Variants in MTRR observed in about 807,000 individuals in gnomAD.
The protein encoded by MTRR is 5-methyltetrahydrofolate-homocysteine methyltransferase reductase, also known as methionine synthase reductase.
A neutral mutation model predicts 79.2 loss-of-function variants in MTRR; 63 were observed. The observed-to-expected ratio is 0.80, with a 90% confidence interval of 0.65 to 0.98. MTRR has a LOEUF of 0.98. Ranked by LOEUF, MTRR falls within the 50% of genes least tolerant of loss-of-function variation. The probability of loss-of-function intolerance (pLI) is 0.00; values close to 1 mark genes in which losing one functional copy is unlikely to be tolerated. For synonymous variants in MTRR, 355 were observed against 313.3 expected (o/e 1.13, Z -1.41); for missense variants, 895 against 839.6 (o/e 1.07, Z -0.82).
At chr5:7,871,223 T>G (rs1023581965) in intron 2 of MTRR, among the ~76,000 whole-genome samples, 1 of 152,010 alleles carries the variant, frequency 6.6e-6, no homozygotes, top group African/African-American at 2.4e-5. Flanking sequence ...AAGTGAGATG[T>G]GTGTTTGCCT....
intron 5 of MTRR, among the ~76,000 whole-genome samples, chr5:7,879,442 G>T: frequency 8.0e-6 from 1 of 125,368 alleles, no homozygotes; most frequent in South Asian, 2.6e-4. Flanking sequence ...CAGCCTGAGC[G>T]ACAGAGTAAG....
At chr5:7,860,325 G>GA (rs1746447913) in intron 1 of MTRR, among the ~76,000 whole-genome samples, 1 of 152,160 alleles carries the variant, frequency 6.6e-6, no homozygotes, top group African/African-American at 2.4e-5. Context: ...CCTCACATAA[G>GA]ACCTTCTTAC....
chr5:7,876,802 C>T (rs572004275), intron 4 of MTRR, among the ~76,000 whole-genome samples: 1 of 152,154 alleles, frequency 6.6e-6, no homozygotes, highest in Non-Finnish European at 1.5e-5. Flanking sequence ...GAGGGTCAAA[C>T]GGATTAATAC....
intron 4 of MTRR, among the ~76,000 whole-genome samples, chr5:7,876,427 C>T (rs1488155053): frequency 6.6e-6 from 1 of 152,212 alleles, no homozygotes; most frequent in Non-Finnish European, 1.5e-5. Context: ...CCATTAGGCC[C>T]ATCACTCATC....
chr5:7,899,738 G>A (rs943022964), intron 14 of MTRR, among the ~76,000 whole-genome samples, 176 bp from the exon 15 acceptor site: 3 of 152,182 alleles, frequency 2.0e-5, no homozygotes, highest in Admixed American at 6.5e-5. Context: ...AACAGTCACT[G>A]TAGGCAAAGG....
At chr5:7,854,341 C>A (rs1386671516) in intron 1 of MTRR, among the ~76,000 whole-genome samples, 1 of 151,100 alleles carries the variant, frequency 6.6e-6, no homozygotes, top group East Asian at 1.9e-4. Flanking sequence ...ATATATATAT[C>A]TATGTAAAGA....
At chr5:7,886,465 A>AT in intron 7 of MTRR, 150 bp from the exon 8 acceptor site, 2 of 658,304 alleles carry the variant, frequency 3.0e-6, no homozygotes, top group Admixed American at 2.7e-5. Context: ...ATTTTGGGGA[A>AT]TTTTTTTGGC....
At chr5:7,898,931 C>T (rs1738995864) in intron 14 of MTRR, among the ~76,000 whole-genome samples, 1 of 152,072 alleles carries the variant, frequency 6.6e-6, no homozygotes, top group Admixed American at 6.5e-5. Context: ...ATTTAATGGG[C>T]TCACGGTTTA....
chr5:7,851,701 AT>A (rs1746084843), intron 1 of MTRR: 1 of 152,140 alleles, frequency 6.6e-6, no homozygotes, highest in South Asian at 2.1e-4. Flanking sequence ...GGCTGCATGA[AT>A]TTACAGAATC....
upstream of MTRR, among the ~76,000 whole-genome samples, chr5:7,868,489 T>A (rs1747234566): frequency 6.6e-6 from 1 of 152,170 alleles, no homozygotes; most frequent in Non-Finnish European, 1.5e-5. Context: ...GGGTGGCCCT[T>A]AAATGTTGGT....
chr5:7,899,381 C>T (rs960523712), intron 14 of MTRR, among the ~76,000 whole-genome samples: 1 of 152,096 alleles, frequency 6.6e-6, no homozygotes, highest in African/African-American at 2.4e-5. Context: ...GCAAGAGCAC[C>T]CAGGAGGGGT....
At chr5:7,867,676 T>G, upstream of MTRR, 1 of 1,614,206 alleles carries the variant, frequency 6.2e-7, no homozygotes, top group South Asian at 1.1e-5. Context: ...CTTCACAAAT[T>G]CGTTGTAAAG....
chr5:7,854,550 C>T (rs113176684), intron 1 of MTRR, among the ~76,000 whole-genome samples: 5,094 of 152,106 alleles, frequency 0.033, 99 homozygotes, highest in African/African-American at 0.049. Context: ...GAAAGGCACT[C>T]CTTACATGGT....
At chr5:7,890,053 T>C (rs1737286576) in intron 9 of MTRR, among the ~76,000 whole-genome samples, 1 of 152,214 alleles carries the variant, frequency 6.6e-6, no homozygotes, top group South Asian at 2.1e-4. Flanking sequence ...TCAAAGCCTT[T>C]ATTACTTTCT....
intron 8 of MTRR, among the ~76,000 whole-genome samples, chr5:7,887,793 C>T (rs898333422): frequency 3.2e-3 from 295 of 91,948 alleles, no homozygotes; most frequent in African/African-American, 6.3e-3. Context: ...TGTGTGTGTG[C>T]ATATATATAT....
intron 11 of MTRR, chr5:7,893,195 G>A (rs1202745476): frequency 2.6e-5 from 11 of 428,794 alleles, no homozygotes; most frequent in Admixed American, 7.5e-5. Flanking sequence ...GATATTCTTG[G>A]TACATTGGCC....
chr5:7,874,387 A>G (rs1748504084), intron 3 of MTRR, among the ~76,000 whole-genome samples: 1 of 148,786 alleles, frequency 6.7e-6, no homozygotes, highest in Non-Finnish European at 1.5e-5. Flanking sequence ...CAGTATTTAT[A>G]ATTTTTTTTT....
At chr5:7,859,388 C>A (rs1293337865) in intron 1 of MTRR, 1 of 1,209,214 alleles carries the variant, frequency 8.3e-7, no homozygotes, top group South Asian at 1.4e-5. Context: ...ATACTGAGTT[C>A]CATAAAAATG....
Position 7,895,855 on chromosome 5 carries a change from A to G in MTRR, c.1676+3A>G, listed in dbSNP as rs369853875. ...TTTATTGGGTTCCTACAACATAGGT[A>G]TGTTCTTTTTTTGGCTAATGGGAAA... On this transcript the variant is annotated splice_donor_region_variant and intron_variant, in intron 12 of 14. Coordinates refer to ENST00000440940, the MANE Select transcript of MTRR (RefSeq NM_002454.3). The G allele has an allele frequency of 7.6e-5, 122 of 1,613,882 alleles. No homozygotes were observed. Among genetic ancestry groups the G allele is most frequent in the Non-Finnish European group, 1.0e-4 (118 of 1,179,938 alleles).
Sources: allele counts gnomAD v4.1 joint callset (sites outside exome capture counted in the v4.1 genomes callset), GRCh38; gene constraint gnomAD v4.1.1; transcripts MANE v1.5; gene names NCBI Gene and HGNC (gene_info 2026-07-23, HGNC 2026-07-21).